ITPK1: variants seen among roughly 807,000 people sequenced by gnomAD.
ITPK1 encodes inositol 1,3,4-trisphosphate 5/6-kinase.
Under a neutral mutation model 45.3 loss-of-function variants are expected in ITPK1, and 21 were observed. The ratio of observed to expected loss-of-function variants is 0.46; its 90% CI spans 0.33 to 0.67. ITPK1 has a LOEUF of 0.67. ITPK1 is among the 30% of genes least tolerant of loss of function. The pLI is 0.02. For synonymous variants in ITPK1, 258 were observed against 253.6 expected (o/e 1.02, Z -0.16); for missense variants, 474 against 573.5 (o/e 0.83, Z 1.77).
At chr14:92,957,607 C>T (rs1032486292) in intron 8 of ITPK1, among the ~76,000 whole-genome samples, 3 of 152,172 alleles carry the variant, frequency 2.0e-5, no homozygotes, top group African/African-American at 7.2e-5. Flanking sequence ...GTGACACCCA[C>T]GGGACTCCTA....
intron 2 of ITPK1, among the ~76,000 whole-genome samples, chr14:93,092,904 C>T (rs1357600339): frequency 6.6e-6 from 1 of 152,180 alleles, no homozygotes; most frequent in Non-Finnish European, 1.5e-5. Flanking sequence ...TCAGCCGAAC[C>T]CACCAGCCAC....
At chr14:92,996,445 AG>A (rs1161895371) in intron 4 of ITPK1, among the ~76,000 whole-genome samples, 1 of 93,134 alleles carries the variant, frequency 1.1e-5, no homozygotes, top group Non-Finnish European at 2.2e-5. Context: ...GGGTGGGGGG[AG>A]GGGGAGGGAT....
intron 3 of ITPK1, among the ~76,000 whole-genome samples, chr14:93,019,899 C>G (rs748674467): frequency 6.6e-6 from 1 of 152,170 alleles, no homozygotes; most frequent in Non-Finnish European, 1.5e-5. Flanking sequence ...GCTTTTCTGA[C>G]CACACTCTGC....
At position 93,063,738 on chromosome 14, in the gene ITPK1, C is replaced by A. The variant is rs574567324; in HGVS notation, c.120+12857G>T. On this transcript the variant is annotated intron_variant, in intron 3 of 10. Coordinates refer to ENST00000267615, the MANE Select transcript of ITPK1 (RefSeq NM_014216.6). The surrounding 1 kb of genome is among the most constrained non-coding windows in gnomAD (Gnocchi z 4.3). ...CCTCTAGAATCCAATCCCAGCTCCACAGCTCACATGCTAGGCTGTGACAAG... is the reference window on the plus strand; with the variant it reads ...CCTCTAGAATCCAATCCCAGCTCCAAAGCTCACATGCTAGGCTGTGACAAG... 2.0e-5 allele frequency among the ~76,000 whole-genome samples: 3 copies of A among 152,196 alleles called. No individual in the cohort carries two copies. The highest frequency in any genetic ancestry group is 7.2e-5 in the African/African-American group (3 of 41,436).
Position 92,938,796 on chromosome 14 carries a change from T to A in ITPK1, c.*2765A>T, listed in dbSNP as rs1183499437. 1.0e-5 allele frequency: 6 copies of A among 581,238 alleles called. No homozygotes were observed. The highest frequency in any genetic ancestry group is 1.9e-5 in the African/African-American group (1 of 53,466). 36.0% of individuals were successfully genotyped at this position (581,238 alleles called of 1,614,324 possible). ...GGACACCCAGCAGCTGGCACTCAGT[T>A]GGGGGGTTATGTTTGCAGAATCACA... On this transcript the variant is annotated 3_prime_UTR_variant, in exon 11 of 11. Coordinates refer to ENST00000267615, the MANE Select transcript of ITPK1 (RefSeq NM_014216.6).
chr14:93,009,018 AG>A (rs1887759309), intron 4 of ITPK1, among the ~76,000 whole-genome samples: 1 of 151,984 alleles, frequency 6.6e-6, no homozygotes, highest in African/African-American at 2.4e-5. Flanking sequence ...ACGCTCGACC[AG>A]GGGTGGCATG....
chr14:93,065,734 C>T (rs141255139), intron 3 of ITPK1, among the ~76,000 whole-genome samples: 2 of 152,148 alleles, frequency 1.3e-5, no homozygotes, highest in African/African-American at 2.4e-5. Flanking sequence ...AGATTTAGGT[C>T]CAGAGACACC....
chr14:92,990,558 G>A (rs963214085), intron 5 of ITPK1, among the ~76,000 whole-genome samples: 11 of 152,214 alleles, frequency 7.2e-5, no homozygotes, highest in Admixed American at 3.3e-4. Flanking sequence ...TGCCAGAGCC[G>A]AGGCAGAGAA....
chr14:93,027,458 C>A (rs963716023), intron 3 of ITPK1, among the ~76,000 whole-genome samples: 1 of 152,104 alleles, frequency 6.6e-6, no homozygotes, highest in Non-Finnish European at 1.5e-5. Context: ...TGAGGCAGAG[C>A]CAATTATTAT....
At position 92,939,652 on chromosome 14, in the gene ITPK1, G is replaced by C. The variant is rs550938236; in HGVS notation, c.*1909C>G. On this transcript the variant is annotated 3_prime_UTR_variant, in exon 11 of 11. Coordinates refer to ENST00000267615, the MANE Select transcript of ITPK1 (RefSeq NM_014216.6). ...CCACGACACCACATGGCAGTTACTC[G>C]GTATCTGGGCCCTGGACGCGCAAGA... 2.0e-6 allele frequency: 2 copies of C among 983,728 alleles called. No individual in the cohort carries two copies. Among genetic ancestry groups the C allele is most frequent in the Non-Finnish European group, 2.4e-6 (2 of 828,876 alleles). 60.9% of individuals were successfully genotyped at this position (983,728 alleles called of 1,614,324 possible). A position where few individuals can be genotyped will look rare whatever the true frequency, so the allele number is the denominator to read the frequency against.
At chr14:93,048,674 C>T (rs1457537371) in intron 3 of ITPK1, among the ~76,000 whole-genome samples, 2 of 152,200 alleles carry the variant, frequency 1.3e-5, no homozygotes, top group African/African-American at 2.4e-5. Context: ...CCCAGCTGGG[C>T]GCGGTGGCTC....
At chr14:93,066,320 ATGTG>A (rs755050138) in intron 3 of ITPK1, 161 of 417,788 alleles carry the variant, frequency 3.9e-4, no homozygotes, top group East Asian at 7.6e-4. Flanking sequence ...GTGTGTGTGT[ATGTG>A]TGTGTGTGTG....
rs1012651671 is a variant in ITPK1 at position 93,016,310 on chromosome 14, T to C, written c.246+366A>G. On this transcript the variant is annotated intron_variant, in intron 4 of 10. Transcript: ENST00000267615. This position sits in a 1 kb window ranked among gnomAD's most constrained non-coding sequence, Gnocchi z 5.0. ...GCCCTCGGGGGTCCCCTTTACCAAGTGCAGCAGAAGGGTTCCATCCCTTGT... is the reference window on the plus strand; with the variant it reads ...GCCCTCGGGGGTCCCCTTTACCAAGCGCAGCAGAAGGGTTCCATCCCTTGT... Among the ~76,000 whole-genome samples, 5 of 152,116 alleles carry C rather than the reference T, an allele frequency of 3.3e-5. No individual in the cohort carries two copies. Among genetic ancestry groups the C allele is most frequent in the Middle Eastern group, 3.4e-3 (1 of 294 alleles).
chr14:92,987,799 C>T (rs1886566490), intron 5 of ITPK1, among the ~76,000 whole-genome samples: 1 of 152,208 alleles, frequency 6.6e-6, no homozygotes, highest in Admixed American at 6.5e-5. Flanking sequence ...GTTCCACATG[C>T]TCTGGGGCAC....
intron 3 of ITPK1, among the ~76,000 whole-genome samples, chr14:93,061,634 C>T (rs1409396109): frequency 6.6e-6 from 1 of 152,168 alleles, no homozygotes; most frequent in Non-Finnish European, 1.5e-5. Context: ...TTCTGTAATT[C>T]CCCAAAATGC....
chr14:93,084,363 C>T (rs556746411), intron 2 of ITPK1, among the ~76,000 whole-genome samples: 1 of 152,326 alleles, frequency 6.6e-6, no homozygotes, highest in East Asian at 1.9e-4. Context: ...GAGGAAAGTG[C>T]TACTAGAATC....
chr14:93,110,784 C>A (rs1459155293), intron 2 of ITPK1, among the ~76,000 whole-genome samples: 1 of 152,238 alleles, frequency 6.6e-6, no homozygotes, highest in Admixed American at 6.5e-5. Context: ...GCCCAGCTGG[C>A]CTCCAAGTCT....
rs1031295219 is a variant in ITPK1, at chr14:92,962,327, G to C, written c.504+28C>G. 7 of 1,569,258 alleles carry C rather than the reference G, an allele frequency of 4.5e-6. No individual in the cohort carries two copies. The African/African-American group carries it at 8.1e-5, about 18-fold the overall frequency. On this transcript the variant is annotated intron_variant, in intron 7 of 10. Coordinates refer to ENST00000267615, the MANE Select transcript of ITPK1 (RefSeq NM_014216.6). ...ATGAGCTGAAAGGATGGGGGTCAGGGACAACAGTCAGATCTTCTTCCACTC... is the reference window on the plus strand; with the variant it reads ...ATGAGCTGAAAGGATGGGGGTCAGGCACAACAGTCAGATCTTCTTCCACTC...
intron 5 of ITPK1, among the ~76,000 whole-genome samples, chr14:92,989,788 C>T (rs928005073): frequency 8.5e-5 from 13 of 152,062 alleles, no homozygotes; most frequent in Admixed American, 4.6e-4. Flanking sequence ...CTAGGGGGTG[C>T]GGGTGTGGGG....
Sources: allele counts gnomAD v4.1 joint callset (sites outside exome capture counted in the v4.1 genomes callset), GRCh38; gene constraint gnomAD v4.1.1; non-coding constraint Gnocchi (gnomAD v3.1); transcripts MANE v1.5; gene names NCBI Gene and HGNC (gene_info 2026-07-23, HGNC 2026-07-21).